The following GRIP2 variants were observed in gnomAD, a reference collection of about 807,000 sequenced individuals.
The protein encoded by GRIP2 is glutamate receptor interacting protein 2, also known as glutamate receptor-interacting protein 2.
A neutral mutation model predicts 108.3 loss-of-function variants in GRIP2; 58 were observed. The ratio of observed to expected loss-of-function variants is 0.54; its 90% CI spans 0.43 to 0.67. The LOEUF is 0.67. GRIP2 is among the 30% of genes least tolerant of loss of function. The probability of loss-of-function intolerance (pLI) is 0.00; values close to 1 mark genes in which losing one functional copy is unlikely to be tolerated. For synonymous variants in GRIP2, 586 were observed against 598.2 expected (o/e 0.98, Z 0.30); for missense variants, 1,278 against 1,430.6 (o/e 0.89, Z 1.72).
At position 14,511,564 on chromosome 3, in the gene GRIP2, C is replaced by T. The variant is rs1462570778; in HGVS notation, c.1721-85G>A. The T allele has an allele frequency of 1.3e-5, 17 of 1,298,098 alleles. No homozygotes were observed. The highest frequency in any genetic ancestry group is 2.4e-5 in the East Asian group (1 of 41,980). The allele number at this position is 1,298,098 out of a possible 1,614,324, so 80.4% of individuals were successfully genotyped here. On this transcript the variant is annotated intron_variant, in intron 14 of 23. Transcript: ENST00000621039. This position sits in a 1 kb window ranked among gnomAD's most constrained non-coding sequence, Gnocchi z 4.1. ...AAGCCCAGGGGTCTGAGTGTGGACT[C>T]GGAGCCACTGGTCCTACTCACATCC...
At chr3:14,588,961 C>T in the GRIP2 span, among the ~76,000 whole-genome samples, 1 of 152,238 alleles carries the variant, frequency 6.6e-6, no homozygotes, top group South Asian at 2.1e-4. Flanking sequence ...CATCCCTCTC[C>T]TCCAGGCTGT....
At chr3:14,569,354 T>C in the GRIP2 span, among the ~76,000 whole-genome samples, 4 of 152,148 alleles carry the variant, frequency 2.6e-5, no homozygotes, top group Admixed American at 6.5e-5. Context: ...CATTTTACAG[T>C]TGGGGAAACT....
At chr3:14,554,304 C>G (rs1373933029) in intron 1 of GRIP2, among the ~76,000 whole-genome samples, 3 of 152,300 alleles carry the variant, frequency 2.0e-5, no homozygotes, top group Middle Eastern at 3.4e-3. Flanking sequence ...AGAGCCTGAT[C>G]CACAGCATTT....
chr3:14,574,318 C>G, the GRIP2 span: 1 of 1,011,646 alleles, frequency 9.9e-7, no homozygotes, highest in East Asian at 2.5e-5. Flanking sequence ...AGCCGCTTCT[C>G]CCGGGCGAAG....
intron 21 of GRIP2, among the ~76,000 whole-genome samples, chr3:14,498,418 A>T (rs1185209249): frequency 1.3e-5 from 2 of 152,166 alleles, no homozygotes; most frequent in Non-Finnish European, 2.9e-5. Context: ...AGCTGAGACC[A>T]TGCCACTGCA....
chr3:14,574,605 T>C, the GRIP2 span: 5 of 691,536 alleles, frequency 7.2e-6, no homozygotes, highest in Non-Finnish European at 1.1e-5. Context: ...CAGCTCTTCA[T>C]GGAGGATACC....
At chr3:14,582,737 A>G in the GRIP2 span, among the ~76,000 whole-genome samples, 2 of 152,166 alleles carry the variant, frequency 1.3e-5, no homozygotes, top group Non-Finnish European at 2.9e-5. Flanking sequence ...ATCTCAGCTG[A>G]GAGGGTGTCT....
chr3:14,525,427 C>G lies in GRIP2; in HGVS notation c.257+10G>C, dbSNP rs895179080. 1 of 1,608,310 alleles carries G rather than the reference C, an allele frequency of 6.2e-7. No individual in the cohort carries two copies. Among genetic ancestry groups the G allele is most frequent in the East Asian group, 2.2e-5 (1 of 44,626 alleles). ...CCCCCTCCTGCGGCCGTGCCAAGCC[C>G]ACTTCTCACCTGGCTGCAAGTCCCC... On this transcript the variant is annotated intron_variant, in intron 3 of 23. Transcript: ENST00000621039.
intron 22 of GRIP2, among the ~76,000 whole-genome samples, chr3:14,495,838 TG>T (rs1471945165): frequency 2.0e-5 from 3 of 152,196 alleles, no homozygotes; most frequent in Non-Finnish European, 4.4e-5. Context: ...TGTAAATATG[TG>T]TGTATGAGAT....
chr3:14,534,856 C>G (rs1200419562), intron 1 of GRIP2, among the ~76,000 whole-genome samples: 1 of 152,148 alleles, frequency 6.6e-6, no homozygotes, highest in Non-Finnish European at 1.5e-5. Flanking sequence ...TGAGCTTTGA[C>G]AAAGGGAAAA....
chr3:14,496,957 G>C (rs1393528523), intron 21 of GRIP2, among the ~76,000 whole-genome samples: 1 of 137,310 alleles, frequency 7.3e-6, no homozygotes, highest in Non-Finnish European at 1.5e-5. Context: ...CCAAAGTCAA[G>C]ACTCTTTTTT....
At chr3:14,602,827 C>T in the GRIP2 span, among the ~76,000 whole-genome samples, 1 of 151,662 alleles carries the variant, frequency 6.6e-6, no homozygotes, top group Non-Finnish European at 1.5e-5. The surrounding 1 kb of genome is among the most constrained non-coding windows in gnomAD (Gnocchi z 4.7). Flanking sequence ...CCCTCCCCGG[C>T]GCCCCAGGCG....
upstream of GRIP2, among the ~76,000 whole-genome samples, chr3:14,542,364 A>G (rs969510867): frequency 3.3e-5 from 5 of 152,116 alleles, no homozygotes; most frequent in African/African-American, 9.7e-5. Context: ...CATGTTGCCC[A>G]GGCTGGTCTC....
intron 13 of GRIP2, among the ~76,000 whole-genome samples, chr3:14,513,293 C>T (rs1224342678): frequency 2.0e-5 from 3 of 152,184 alleles, no homozygotes; most frequent in Non-Finnish European, 2.9e-5. Context: ...CAACTATTTA[C>T]GGATGGGGAA....
chr3:14,572,724 T>G, the GRIP2 span: 1 of 506,468 alleles, frequency 2.0e-6, no homozygotes, highest in East Asian at 3.8e-5. Context: ...ACAAGAGTTC[T>G]GTCTTCAGGA....
chr3:14,511,260 C>A lies in GRIP2; in HGVS notation c.1838G>T (p.Arg613Leu). The A allele has an allele frequency of 6.2e-7, 1 of 1,613,990 alleles. No homozygotes were observed. The highest frequency in any genetic ancestry group is 8.5e-7 in the Non-Finnish European group (1 of 1,179,892). ...GTCCTCCATGGGGCAGTTGTCCAGG[C>A]GGATATTGTCAATGGCCAGTAGCTT... is the stretch of plus-strand genomic sequence containing the variant. ...GDKLLAIDNI[R>L]LDNCPMEDAV... The change falls in exon 16 of 24, where the codon CGC becomes CTC. Residue 613 changes from arginine to leucine, a missense_variant. Coordinates refer to ENST00000621039, the MANE Select transcript of GRIP2 (RefSeq NM_001080423.4). This position sits in a 1 kb window ranked among gnomAD's most constrained non-coding sequence, Gnocchi z 4.1.
chr3:14,556,587 C>A (rs773475881), upstream of GRIP2, among the ~76,000 whole-genome samples: 28 of 152,216 alleles, frequency 1.8e-4, no homozygotes, highest in Non-Finnish European at 3.8e-4. Flanking sequence ...GATAGGGCCA[C>A]CAGAGTAGAA....
the GRIP2 span, chr3:14,574,366 G>A: frequency 1.1e-5 from 10 of 942,144 alleles, no homozygotes; most frequent in Non-Finnish European, 1.5e-5. Flanking sequence ...TGGTTCCGCC[G>A]CGGCCCCGCG....
chr3:14,555,372 C>T (rs1271016512), intron 1 of GRIP2, among the ~76,000 whole-genome samples: 2 of 143,934 alleles, frequency 1.4e-5, no homozygotes, highest in African/African-American at 2.5e-5. Context: ...GGGGACATGG[C>T]CCTGGGAAGG....
Sources: allele counts gnomAD v4.1 joint callset (sites outside exome capture counted in the v4.1 genomes callset), GRCh38; gene constraint gnomAD v4.1.1; non-coding constraint Gnocchi (gnomAD v3.1); transcripts MANE v1.5; gene names NCBI Gene and HGNC (gene_info 2026-07-23, HGNC 2026-07-21).